Variants in MYO16 observed in about 807,000 individuals in gnomAD.
MYO16 encodes myosin XVI.
MYO16 carries 94 observed loss-of-function variants against 205.3 expected under a neutral mutation model. That is an observed-to-expected ratio of 0.46 (90% CI 0.39 to 0.54). The LOEUF (loss-of-function observed/expected upper bound fraction) is 0.54. Ranked by LOEUF, MYO16 falls within the 20% of genes least tolerant of loss-of-function variation. The pLI is 0.00. For missense variants in MYO16, 2,315 were observed against 2,387.5 expected (o/e 0.97, Z 0.63); for synonymous variants, 988 against 954.0 (o/e 1.04, Z -0.66).
At chr13:108,544,019 C>T in the MYO16 span, among the ~76,000 whole-genome samples, 3 of 139,966 alleles carry the variant, frequency 2.1e-5, no homozygotes, top group African/African-American at 5.4e-5. Flanking sequence ...GAGCCGAGAT[C>T]GCACCATTGC....
intron 32 of MYO16, among the ~76,000 whole-genome samples, chr13:109,143,097 G>A (rs1475193522): frequency 6.6e-6 from 1 of 152,058 alleles, no homozygotes; most frequent in African/African-American, 2.4e-5. Flanking sequence ...GGGTTAAGTG[G>A]TAGGATTGGA....
the MYO16 span, among the ~76,000 whole-genome samples, chr13:108,588,553 A>G: frequency 6.6e-6 from 1 of 151,664 alleles, no homozygotes; most frequent in Non-Finnish European, 1.5e-5. Flanking sequence ...TCCAGAAGAC[A>G]TTGAGTTATG....
intron 9 of MYO16, among the ~76,000 whole-genome samples, chr13:108,832,390 C>T (rs945811770): frequency 2.6e-5 from 4 of 151,994 alleles, no homozygotes; most frequent in African/African-American, 9.7e-5. Flanking sequence ...GATCCACCCG[C>T]CTCAGCCTCC....
At chr13:108,633,919 G>A (rs1036560764) in intron 1 of MYO16, among the ~76,000 whole-genome samples, 6 of 152,012 alleles carry the variant, frequency 3.9e-5, no homozygotes, top group African/African-American at 1.2e-4. Flanking sequence ...CCTGCTCTCC[G>A]CCTGGTCCAG....
intron 21 of MYO16, among the ~76,000 whole-genome samples, chr13:109,002,366 A>G (rs1885245586): frequency 6.6e-6 from 1 of 152,222 alleles, no homozygotes; most frequent in South Asian, 2.1e-4. Flanking sequence ...AAATTTACTC[A>G]AGAAATTGTT....
At chr13:108,579,675 G>A in the MYO16 span, among the ~76,000 whole-genome samples, 5 of 152,000 alleles carry the variant, frequency 3.3e-5, no homozygotes, top group East Asian at 1.9e-4. Context: ...TCCTGACCTC[G>A]TGATCCACCT....
At chr13:108,601,893 A>G (rs181663534) in intron 1 of MYO16, among the ~76,000 whole-genome samples, 2 of 151,966 alleles carry the variant, frequency 1.3e-5, no homozygotes, top group Non-Finnish European at 2.9e-5. Context: ...TGGTGCTCTC[A>G]ATTCTTTCAA....
intron 4 of MYO16, among the ~76,000 whole-genome samples, chr13:108,738,034 A>G (rs1469492550): frequency 6.6e-6 from 1 of 152,026 alleles, no homozygotes; most frequent in East Asian, 1.9e-4. Flanking sequence ...CTTCTTCTTT[A>G]TTAGTCTTGC....
At chr13:108,664,353 A>G (rs1881632634) in intron 1 of MYO16, among the ~76,000 whole-genome samples, 1 of 152,142 alleles carries the variant, frequency 6.6e-6, no homozygotes, top group African/African-American at 2.4e-5. Flanking sequence ...TCTATGGAGC[A>G]TTTTTTATTC....
At position 109,127,545 on chromosome 13, in the gene MYO16, A is replaced by C; in HGVS notation, c.4046A>C (p.Asn1349Thr). The change falls in exon 31 of 35, where the codon AAC (asparagine) becomes ACC (threonine). Residue 1349 changes from asparagine to threonine, a missense_variant. By Grantham distance (65) the Asn-to-Thr change is moderately conservative (BLOSUM62 0). Around this residue, in one of 3 missense-constraint regions of MYO16, gnomAD observed 1,097 missense variants for 1,092.0 expected, o/e 1.00. Transcript: ENST00000457511. This position sits in a 1 kb window ranked among gnomAD's most constrained non-coding sequence, Gnocchi z 4.2. Reference protein sequence around the residue: ...ACLSAAREAANEALARPRPHS... With the variant: ...ACLSAAREAATEALARPRPHS... ...CTCTCCGCGGCCAGGGAAGCGGCCA[A>C]CGAAGGTCAGCCCTGGGGAGGGACC... The C allele has an allele frequency of 6.2e-7, 1 of 1,609,706 alleles. No homozygotes were observed. Among genetic ancestry groups the C allele is most frequent in the South Asian group, 1.1e-5 (1 of 91,010 alleles).
At chr13:108,530,752 T>A in the MYO16 span, among the ~76,000 whole-genome samples, 1 of 152,234 alleles carries the variant, frequency 6.6e-6, no homozygotes, top group Non-Finnish European at 1.5e-5. Flanking sequence ...ATACTTTTAA[T>A]TACTATTGAG....
chr13:109,094,602 T>A (rs1414127017), intron 27 of MYO16, among the ~76,000 whole-genome samples: 2 of 152,248 alleles, frequency 1.3e-5, no homozygotes, highest in Non-Finnish European at 2.9e-5. Context: ...GGTATACACA[T>A]GCCATGGTTG....
intron 34 of MYO16, among the ~76,000 whole-genome samples, chr13:109,203,393 A>AT (rs1178655829): frequency 1.3e-5 from 2 of 151,644 alleles, no homozygotes; most frequent in Non-Finnish European, 2.9e-5. Context: ...TTCGAGGGGT[A>AT]TTTTTTATTC....
chr13:108,695,559 A>G (rs1364254033), intron 2 of MYO16, among the ~76,000 whole-genome samples: 2 of 151,924 alleles, frequency 1.3e-5, no homozygotes, highest in Non-Finnish European at 2.9e-5. Flanking sequence ...TTTCTGCAAA[A>G]AAAAAAAGTT....
At chr13:109,034,779 A>C (rs1287007641) in intron 23 of MYO16, among the ~76,000 whole-genome samples, 1 of 152,324 alleles carries the variant, frequency 6.6e-6, no homozygotes, top group Admixed American at 6.5e-5. Flanking sequence ...CAATCTGAAA[A>C]TCTAAATAGA....
At chr13:108,496,575 C>T in the MYO16 span, among the ~76,000 whole-genome samples, 5 of 152,212 alleles carry the variant, frequency 3.3e-5, no homozygotes, top group Admixed American at 1.3e-4. Flanking sequence ...GCGCATCGCC[C>T]CGTCTTCCCT....
chr13:108,579,904 C>A, the MYO16 span, among the ~76,000 whole-genome samples: 1 of 152,112 alleles, frequency 6.6e-6, no homozygotes, highest in East Asian at 1.9e-4. Context: ...ATTACAATGA[C>A]TGCTATTTGT....
intron 16 of MYO16, 24 bp downstream of exon 16, chr13:108,910,174 C>T: frequency 1.3e-6 from 2 of 1,599,050 alleles, no homozygotes; most frequent in South Asian, 2.2e-5. Context: ...TATTTTGTAT[C>T]TAAAAGCTAT....
At chr13:109,021,393 A>G (rs910894707) in intron 23 of MYO16, among the ~76,000 whole-genome samples, 4 of 152,144 alleles carry the variant, frequency 2.6e-5, no homozygotes, top group Non-Finnish European at 4.4e-5. Context: ...CTAGCACTCA[A>G]CATCAAAGGA....
Sources: gnomAD v4.1 joint callset for allele counts (sites outside exome capture counted in the v4.1 genomes callset) on GRCh38, gnomAD v4.1.1 for gene constraint, gnomAD v4.1.1 regional missense constraint, Gnocchi (gnomAD v3.1) non-coding constraint, MANE v1.5 for transcripts, NCBI Gene and HGNC (gene_info 2026-07-23, HGNC 2026-07-21) for gene names.